The following SLC17A7 variants were observed in gnomAD, a reference collection of about 807,000 sequenced individuals.
The protein encoded by SLC17A7 is solute carrier family 17 member 7.
In SLC17A7, 15 loss-of-function variants were observed where a neutral mutation model predicts 59.1. The observed-to-expected ratio is 0.25, with a 90% CI of 0.17 to 0.39. The LOEUF is 0.39. Among genes scored for constraint, SLC17A7 ranks in the 10% least tolerant of loss-of-function variants. SLC17A7 has a pLI of 1.00. For synonymous variants in SLC17A7, 353 were observed against 308.9 expected, an observed-to-expected ratio of 1.14 and a Z score of -1.50; for missense variants, 499 against 765.1, an observed-to-expected ratio of 0.65 and a Z score of 4.10.
rs12981190 is a variant in SLC17A7, at chr19:49,433,404, T to A, written c.867+322A>T. The stretch of plus-strand genomic sequence containing the variant: ...CCACTGAGCCTGCCCTAGGAGTCTC[T>A]TTTTATCAAAAATGCTCCCAAAATA... On this transcript the variant is annotated intron_variant, in intron 7 of 11. Coordinates refer to ENST00000221485, the MANE Select transcript of SLC17A7 (RefSeq NM_020309.4). This position sits in a 1 kb window ranked among gnomAD's most constrained non-coding sequence, Gnocchi z 5.7. 8 of 475,952 alleles carry A rather than the reference T, an allele frequency of 1.7e-5. No individual in the cohort carries two copies. The highest frequency in any genetic ancestry group is 1.4e-4 in the South Asian group (7 of 49,220). The allele number at this position is 475,952 out of a possible 1,614,324, so 29.5% of individuals were successfully genotyped here. A position where few individuals can be genotyped will look rare whatever the true frequency, so the allele number is the denominator to read the frequency against.
Position 49,430,820 on chromosome 19 carries a change from G to A in SLC17A7, c.1390-8C>T. 3 of 1,601,484 alleles carry A rather than the reference G, an allele frequency of 1.9e-6. No individual in the cohort carries two copies. Among genetic ancestry groups the A allele is most frequent in the Non-Finnish European group, 2.6e-6 (3 of 1,172,684 alleles). On this transcript the variant is annotated splice_polypyrimidine_tract_variant and splice_region_variant and intron_variant, in intron 11 of 11. Coordinates refer to ENST00000221485, the MANE Select transcript of SLC17A7 (RefSeq NM_020309.4). ...CTGCCACTCCTCCCGAGTCTGCAGG[G>A]GACAATAGGGCTGAGGTCAAATGGG...
chr19:49,430,460 A>T lies in SLC17A7; in HGVS notation c.*59T>A. On this transcript the variant is annotated 3_prime_UTR_variant, in exon 12 of 12. Coordinates refer to ENST00000221485, the MANE Select transcript of SLC17A7 (RefSeq NM_020309.4). The stretch of plus-strand genomic sequence containing the variant: ...GCAGGGTTCCTTGACACTGTCACTC[A>T]GGCCAGAGATGAGTGGAATGGAGGT... 1 of 1,264,900 alleles carries T rather than the reference A, an allele frequency of 7.9e-7. No individual in the cohort carries two copies. The highest frequency in any genetic ancestry group is 1.1e-6 in the Non-Finnish European group (1 of 909,700). 78.4% of individuals were successfully genotyped at this position (1,264,900 alleles called of 1,614,324 possible).
At chr19:49,441,096 G>T (rs1193771494) in intron 1 of SLC17A7, among the ~76,000 whole-genome samples, 1 of 152,150 alleles carries the variant, frequency 6.6e-6, no homozygotes, top group East Asian at 1.9e-4. Context: ...GCACCAGAGA[G>T]AGTGGAGCCG....
At chr19:49,437,142 A>C in intron 1 of SLC17A7, 1 of 386,768 alleles carries the variant, frequency 2.6e-6, no homozygotes, top group Non-Finnish European at 4.8e-6. Flanking sequence ...CCGAGGCCCA[A>C]AGACTCTCCA....
intron 1 of SLC17A7, among the ~76,000 whole-genome samples, chr19:49,438,466 G>C (rs73931787): frequency 1.2e-3 from 189 of 152,200 alleles, no homozygotes; most frequent in African/African-American, 4.5e-3. Flanking sequence ...GAGGGAGACT[G>C]GGACGGGGGA....
rs138776980 is a variant in SLC17A7, at chr19:49,430,096, G to C, written c.*423C>G. The C allele has an allele frequency of 4.0e-3, 654 of 163,962 alleles. 4 individuals are homozygous for C. Among genetic ancestry groups the C allele is most frequent in the African/African-American group, 0.015 (617 of 41,964 alleles). The allele number at this position is 163,962 out of a possible 1,614,324, so 10.2% of individuals were successfully genotyped here. A position where few individuals can be genotyped will look rare whatever the true frequency, so the allele number is the denominator to read the frequency against. ...GGAGAGATTTGAAACTTCTAGAGGA[G>C]GACCTTGAATTTTTCTGAAAGGAGA... On this transcript the variant is annotated 3_prime_UTR_variant, in exon 12 of 12. Transcript: ENST00000221485.
chr19:49,434,457 C>G, intron 5 of SLC17A7, 145 bp downstream of exon 5: 1 of 740,102 alleles, frequency 1.4e-6, no homozygotes, highest in South Asian at 2.1e-5. Context: ...TTCCCTCAGA[C>G]CTGGGAGTCC....
chr19:49,432,431 C>A (rs909301286), intron 9 of SLC17A7, 88 bp downstream of exon 9: 24 of 1,495,112 alleles, frequency 1.6e-5, no homozygotes, highest in Non-Finnish European at 2.1e-5. Context: ...TGGATGGTTT[C>A]CGCCTGTAAC....
chr19:49,429,688 G>A lies in SLC17A7; in HGVS notation c.*831C>T. The A allele has an allele frequency of 2.5e-6, 1 of 397,396 alleles. No homozygotes were observed. The highest frequency in any genetic ancestry group is 4.4e-6 in the Non-Finnish European group (1 of 225,438). The allele number at this position is 397,396 out of a possible 1,614,324, so 24.6% of individuals were successfully genotyped here. A position where few individuals can be genotyped will look rare whatever the true frequency, so the allele number is the denominator to read the frequency against. ...TCGAAACCACCCAGGAGAATAAAGT[G>A]CGAGGAATTGGGGAGGGGGCATCAT... On this transcript the variant is annotated 3_prime_UTR_variant, in exon 12 of 12. Coordinates refer to ENST00000221485, the MANE Select transcript of SLC17A7 (RefSeq NM_020309.4).
intron 1 of SLC17A7, among the ~76,000 whole-genome samples, chr19:49,441,068 G>A (rs1025413364): frequency 3.3e-5 from 5 of 151,734 alleles, no homozygotes; most frequent in Admixed American, 6.5e-5. Context: ...CCAGAGACCC[G>A]GGAGAGAGGC....
chr19:49,432,599 A>C lies in SLC17A7; in HGVS notation c.1070T>G (p.Ile357Ser). The C allele has an allele frequency of 6.2e-7, 1 of 1,613,740 alleles. No homozygotes were observed. Among genetic ancestry groups the C allele is most frequent in the Non-Finnish European group, 8.5e-7 (1 of 1,179,904 alleles). The part of the protein sequence containing the change: ...PHLVMTIIVP[I>S]GGQIADFLRS... ...CAGGAAGTCCGCGATCTGGCCGCCG[A>C]TGGGCACGATGATGGTCATGACCAG... Residue 357 changes from isoleucine to serine, a missense_variant, in exon 9 of 12, where the codon ATC becomes AGC. Coordinates refer to ENST00000221485, the MANE Select transcript of SLC17A7 (RefSeq NM_020309.4).
intron 1 of SLC17A7, among the ~76,000 whole-genome samples, chr19:49,439,349 C>T (rs1337943318): frequency 6.6e-6 from 1 of 152,158 alleles, no homozygotes; most frequent in Non-Finnish European, 1.5e-5. Flanking sequence ...GACCTGATCC[C>T]TTACTGGCCC....
At chr19:49,434,302 C>T (rs2078972209) in intron 5 of SLC17A7, among the ~76,000 whole-genome samples, 1 of 151,048 alleles carries the variant, frequency 6.6e-6, no homozygotes, top group Non-Finnish European at 1.5e-5. Flanking sequence ...CCCAACCCCT[C>T]CTCTCTCAGA....
chr19:49,437,621 CAGA>C (rs2078984647), intron 1 of SLC17A7: 1 of 151,864 alleles, frequency 6.6e-6, no homozygotes, highest in African/African-American at 2.4e-5. Flanking sequence ...GGGTCACAGA[CAGA>C]AGAAGGGAGA....
At chr19:49,432,037 G>C (rs755897634) in intron 9 of SLC17A7, among the ~76,000 whole-genome samples, 41 of 152,074 alleles carry the variant, frequency 2.7e-4, no homozygotes, top group South Asian at 6.2e-4. Context: ...AGCTCACTGC[G>C]GCCTCGCAGT....
chr19:49,441,433 G>T lies in SLC17A7; in HGVS notation c.-54C>A. The T allele has an allele frequency of 7.3e-7, 1 of 1,372,076 alleles. No homozygotes were observed. 85.0% of individuals were successfully genotyped at this position (1,372,076 alleles called of 1,614,324 possible). A position where few individuals can be genotyped will look rare whatever the true frequency, so the allele number is the denominator to read the frequency against. ...GCGGGTCCCCCCCGCCGATCCCCCC[G>T]CCCGCGGGCCCGGGCGGCCGCGTCC... On this transcript the variant is annotated 5_prime_UTR_variant, in exon 1 of 12. Coordinates refer to ENST00000221485, the MANE Select transcript of SLC17A7 (RefSeq NM_020309.4).
rs367625457 is a variant in SLC17A7, at chr19:49,430,573, G to C, written c.1629C>G (p.Ala543=). The change falls in exon 12 of 12, where the codon GCC becomes GCG. Residue 543 remains alanine, a synonymous_variant. Transcript: ENST00000221485. ...TGGGGGGCTGAAATGTGCTGTGTGT[G>C]GCCCCATAGGAGGGCGGGGGTGCAG... ...APPAPPPSYG[A]THSTFQPPRP... is the part of the protein sequence containing the mutation. 4.3e-5 allele frequency: 69 copies of C among 1,609,456 alleles called. No homozygotes were observed. Among genetic ancestry groups the C allele is most frequent in the Non-Finnish European group, 5.6e-5 (66 of 1,177,088 alleles).
rs781121925 is a variant in SLC17A7 at position 49,430,604 on chromosome 19, G to A, written c.1598C>T (p.Ala533Val). 1.9e-5 allele frequency: 31 copies of A among 1,613,346 alleles called. No individual in the cohort carries two copies. The South Asian group carries it at 2.2e-4, about 11-fold the overall frequency. ...ATAGGAGGGCGGGGGTGCAGGGGGT[G>A]CCCCCGGGGGCTCAGCCTCATCCTC... ...EMEDEAEPPG[A>V]PPAPPPSYGA... Residue 533 changes from alanine (A) to valine (V), a missense_variant, in exon 12 of 12, where the codon GCA (alanine) becomes GTA (valine). Around this residue, in one of 3 missense-constraint regions of SLC17A7, gnomAD observed 98 missense variants for 77.5 expected, o/e 1.27. Coordinates refer to ENST00000221485, the MANE Select transcript of SLC17A7 (RefSeq NM_020309.4).
rs2078980649 is a variant in SLC17A7 at position 49,436,600 on chromosome 19, G to A, written c.264C>T (p.Val88=). 1 of 1,613,896 alleles carries A rather than the reference G, an allele frequency of 6.2e-7. No individual in the cohort carries two copies. The highest frequency in any genetic ancestry group is 1.7e-5 in the Admixed American group (1 of 60,012). ...GIRCNLGVAI[V]SMVNNSTTHR... ...GGGTCGTGCTGTTATTGACCATGGA[G>A]ACGATGGCCACGCCCAGGTTGCAGC... The change falls in exon 2 of 12, where the codon GTC becomes GTT. Residue 88 remains valine, a synonymous_variant. Coordinates refer to ENST00000221485, the MANE Select transcript of SLC17A7 (RefSeq NM_020309.4). This position sits in a 1 kb window ranked among gnomAD's most constrained non-coding sequence, Gnocchi z 4.1.
Sources: gnomAD v4.1 joint callset for allele counts (sites outside exome capture counted in the v4.1 genomes callset) on GRCh38, gnomAD v4.1.1 for gene constraint, gnomAD v4.1.1 regional missense constraint, Gnocchi (gnomAD v3.1) non-coding constraint, MANE v1.5 for transcripts, NCBI Gene and HGNC (gene_info 2026-07-23, HGNC 2026-07-21) for gene names.